The following PSME3IP1 variants were observed in gnomAD, a reference collection of about 807,000 sequenced individuals.
The protein encoded by PSME3IP1 is PSME3-interacting protein.
Under a neutral mutation model 34.1 loss-of-function variants are expected in PSME3IP1, and 13 were observed. The ratio of observed to expected loss-of-function variants is 0.38; its 90% CI spans 0.25 to 0.61. The LOEUF is 0.61. Ranked by LOEUF, PSME3IP1 falls within the 20% of genes least tolerant of loss-of-function variation. The pLI is 0.60. For synonymous variants in PSME3IP1, 93 were observed against 114.3 expected, an observed-to-expected ratio of 0.81 and a Z score of 1.19; for missense variants, 237 against 301.4, an observed-to-expected ratio of 0.79 and a Z score of 1.58.
intron 1 of PSME3IP1, among the ~76,000 whole-genome samples, chr16:57,183,362 T>G (rs2073898291): frequency 6.6e-6 from 1 of 152,162 alleles, no homozygotes; most frequent in South Asian, 2.1e-4. Flanking sequence ...AGATAGGGTC[T>G]CGCTCTGTCA....
chr16:57,176,614 C>A (rs1481660378), intron 1 of PSME3IP1, among the ~76,000 whole-genome samples: 3 of 152,166 alleles, frequency 2.0e-5, no homozygotes. Flanking sequence ...AGAATCAAAT[C>A]TTTTCTAACA....
At chr16:57,176,027 C>A (rs1036168220) in intron 1 of PSME3IP1, among the ~76,000 whole-genome samples, 1 of 152,178 alleles carries the variant, frequency 6.6e-6, no homozygotes, top group Non-Finnish European at 1.5e-5. Flanking sequence ...CCACCTAAAG[C>A]CCACAACCTG....
At chr16:57,177,834 T>C (rs2073336913) in intron 1 of PSME3IP1, among the ~76,000 whole-genome samples, 1 of 151,664 alleles carries the variant, frequency 6.6e-6, no homozygotes, top group South Asian at 2.1e-4. Flanking sequence ...TACAAAAAAT[T>C]TAAAAAACTA....
intron 1 of PSME3IP1, among the ~76,000 whole-genome samples, chr16:57,179,541 T>C (rs1366664344): frequency 6.6e-6 from 1 of 152,196 alleles, no homozygotes; most frequent in Non-Finnish European, 1.5e-5. Context: ...CCCCAAATAA[T>C]TGCTATTCCT....
At position 57,154,309 on chromosome 16, in the gene PSME3IP1, G is replaced by C; in HGVS notation, c.746C>G (p.Thr249Ser). 3.7e-6 allele frequency: 6 copies of C among 1,614,074 alleles called. No individual in the cohort carries two copies. Among genetic ancestry groups the C allele is most frequent in the Non-Finnish European group, 4.2e-6 (5 of 1,180,028 alleles). The change falls in exon 7 of 7, where the codon ACC becomes AGC. Residue 249 changes from threonine to serine, a missense_variant. Physicochemically the swap from Thr to Ser is moderately conservative, Grantham distance 58. Transcript: ENST00000309137. This position sits in a 1 kb window ranked among gnomAD's most constrained non-coding sequence, Gnocchi z 4.0. ...KIVSSIFRTN[T>S]FLEAP The stretch of plus-strand genomic sequence containing the variant: ...GAGAAACTAGGGGGCCTCGAGGAAG[G>C]TGTTGGTTCGGAAGATGGAGGAGAC...
intron 1 of PSME3IP1, among the ~76,000 whole-genome samples, chr16:57,183,410 G>C (rs953279212): frequency 3.3e-5 from 5 of 151,936 alleles, no homozygotes; most frequent in Non-Finnish European, 7.4e-5. Context: ...TCAGCTCATT[G>C]CAACCTCCAC....
chr16:57,155,009 C>G (rs1056795391), intron 6 of PSME3IP1, among the ~76,000 whole-genome samples: 1 of 152,226 alleles, frequency 6.6e-6, no homozygotes, highest in African/African-American at 2.4e-5. Flanking sequence ...ACATCAGCTA[C>G]AAAATAACAT....
At chr16:57,162,752 TG>T in intron 6 of PSME3IP1, among the ~76,000 whole-genome samples, 1 of 150,100 alleles carries the variant, frequency 6.7e-6, no homozygotes, top group African/African-American at 2.5e-5. Flanking sequence ...AGCTTGGTAA[TG>T]GGGGTTTATT....
intron 6 of PSME3IP1, among the ~76,000 whole-genome samples, chr16:57,157,611 T>A (rs2070711688): frequency 6.6e-6 from 1 of 151,618 alleles, no homozygotes; most frequent in Non-Finnish European, 1.5e-5. Flanking sequence ...TTTTTCCTTT[T>A]CTTTTTTTTC....
At chr16:57,177,335 C>T (rs1469090167) in intron 1 of PSME3IP1, among the ~76,000 whole-genome samples, 2 of 150,590 alleles carry the variant, frequency 1.3e-5, no homozygotes, top group African/African-American at 2.5e-5. Context: ...GCATGCACCA[C>T]TACACCTGGC....
Position 57,170,155 on chromosome 16 carries a change from G to A in PSME3IP1, c.348+2096C>T, listed in dbSNP as rs114923601. On this transcript the variant is annotated intron_variant, in intron 4 of 6. Transcript: ENST00000309137. ...TGGAGTACAGTGGCGTGACCTTGGC[G>A]CACTGCAATCTCCACCTTCCAGGTT... 3.8e-3 allele frequency among the ~76,000 whole-genome samples: 561 copies of A among 149,058 alleles called. 3 individuals are homozygous for A. The highest frequency in any genetic ancestry group is 0.012 in the African/African-American group (474 of 40,294).
chr16:57,180,374 G>A (rs575015570), intron 1 of PSME3IP1, among the ~76,000 whole-genome samples: 1 of 152,114 alleles, frequency 6.6e-6, no homozygotes, highest in East Asian at 1.9e-4. Flanking sequence ...AGGATCGCTT[G>A]AGGTCAGGAG....
chr16:57,173,632 AAAAT>A (rs2072872535), intron 2 of PSME3IP1, 92 bp downstream of exon 2: 4 of 1,477,884 alleles, frequency 2.7e-6, no homozygotes, highest in South Asian at 1.2e-5. Flanking sequence ...CCGTCTCAAA[AAAAT>A]AAATAAATAA....
chr16:57,185,973 A>G lies in PSME3IP1; in HGVS notation c.-168T>C. 4.1e-6 allele frequency: 4 copies of G among 985,186 alleles called. No homozygotes were observed. Among genetic ancestry groups the G allele is most frequent in the Non-Finnish European group, 3.6e-6 (3 of 829,878 alleles). The allele number at this position is 985,186 out of a possible 1,614,324, so 61.0% of individuals were successfully genotyped here. A position where few individuals can be genotyped will look rare whatever the true frequency, so the allele number is the denominator to read the frequency against. Reference sequence around the variant, plus strand: ...ATGAATGAAAGAAAGAAAAAAAAAAAGAAAATAGCCTTTGCTTTTGTATTT... The same window carrying G: ...ATGAATGAAAGAAAGAAAAAAAAAAGGAAAATAGCCTTTGCTTTTGTATTT... On this transcript the variant is annotated 5_prime_UTR_variant, in exon 1 of 7. Transcript: ENST00000309137.
At chr16:57,179,557 G>GA (rs573482511) in intron 1 of PSME3IP1, among the ~76,000 whole-genome samples, 34 of 152,124 alleles carry the variant, frequency 2.2e-4, no homozygotes, top group Non-Finnish European at 3.8e-4. Flanking sequence ...TTCCTAACTT[G>GA]AAAAATGACT....
chr16:57,165,173 C>A (rs1443031721), intron 5 of PSME3IP1, among the ~76,000 whole-genome samples: 1 of 148,082 alleles, frequency 6.8e-6, no homozygotes, highest in Non-Finnish European at 1.5e-5. Context: ...ATATATATAT[C>A]ATCATAAGGT....
chr16:57,166,825 T>C (rs1251204608), intron 5 of PSME3IP1, among the ~76,000 whole-genome samples: 1 of 152,250 alleles, frequency 6.6e-6, no homozygotes, highest in African/African-American at 2.4e-5. Flanking sequence ...CATGGGATTA[T>C]GCACAGGAAG....
intron 3 of PSME3IP1, 149 bp from the exon 4 acceptor site, chr16:57,172,521 G>T: frequency 1.1e-6 from 1 of 887,654 alleles, no homozygotes; most frequent in Non-Finnish European, 1.7e-6. Context: ...AGATAACAGG[G>T]CATAAAAAAA....
At chr16:57,158,543 G>A (rs1041410451) in intron 6 of PSME3IP1, among the ~76,000 whole-genome samples, 4 of 152,134 alleles carry the variant, frequency 2.6e-5, no homozygotes, top group Middle Eastern at 3.4e-3. Flanking sequence ...AGCCGGGATC[G>A]CACCACCCCA....
Sources: gnomAD v4.1 joint callset for allele counts (sites outside exome capture counted in the v4.1 genomes callset) on GRCh38, gnomAD v4.1.1 for gene constraint, Gnocchi (gnomAD v3.1) non-coding constraint, MANE v1.5 for transcripts, NCBI Gene and HGNC (gene_info 2026-07-23, HGNC 2026-07-21) for gene names.